The following MOCOS variants were observed in gnomAD, a reference collection of about 807,000 sequenced individuals.
MOCOS encodes molybdenum cofactor sulfurase, also known as human molybdenum cofactor sulfurase.
Under a neutral mutation model 83.6 loss-of-function variants are expected in MOCOS, and 86 were observed. The observed-to-expected ratio is 1.03, with a 90% CI of 0.86 to 1.23. The LOEUF (loss-of-function observed/expected upper bound fraction) is 1.23, where lower values mean the gene tolerates loss of function less well. Among genes scored for constraint, MOCOS ranks in the 50% most tolerant of loss-of-function variants. The probability of loss-of-function intolerance (pLI) is 0.00; values close to 1 mark genes in which losing one functional copy is unlikely to be tolerated. For missense variants in MOCOS, 1,120 were observed against 1,126.9 expected (o/e 0.99, Z 0.09); for synonymous variants, 445 against 434.7 (o/e 1.02, Z -0.29).
At chr18:36,264,522 C>G (rs12454654) in intron 13 of MOCOS, among the ~76,000 whole-genome samples, 35,058 of 152,072 alleles carry the variant, frequency 0.23, 4,243 homozygotes, top group Admixed American at 0.25. Context: ...ATAGTTTCCA[C>G]TCTCGAGCAC....
intron 2 of MOCOS, among the ~76,000 whole-genome samples, chr18:36,195,878 G>C (rs1244033169): frequency 1.3e-5 from 2 of 152,238 alleles, no homozygotes; most frequent in Non-Finnish European, 2.9e-5. Context: ...CCTGGTTCCA[G>C]GCCAGCCTGT....
At chr18:36,250,472 C>T (rs2091617814) in intron 10 of MOCOS, among the ~76,000 whole-genome samples, 1 of 152,174 alleles carries the variant, frequency 6.6e-6, no homozygotes, top group African/African-American at 2.4e-5. Flanking sequence ...CAGGAAAGCA[C>T]AAAGGTGATG....
Position 36,266,859 on chromosome 18 carries a change from C to T in MOCOS, c.2514+6C>T, listed in dbSNP as rs747247263. The T allele has an allele frequency of 6.8e-6, 11 of 1,608,400 alleles. No homozygotes were observed. The highest frequency in any genetic ancestry group is 4.4e-5 in the South Asian group (4 of 90,910). On this transcript the variant is annotated splice_donor_region_variant and intron_variant, in intron 14 of 14. Transcript: ENST00000261326. ...CTGAGAGTCGTGAAACAAAGGTAAG[C>T]GTGATTGCAAAATATGACACCTGGT...
chr18:36,224,160 T>C (rs1456360095), intron 9 of MOCOS, among the ~76,000 whole-genome samples: 1 of 152,234 alleles, frequency 6.6e-6, no homozygotes, highest in African/African-American at 2.4e-5. Flanking sequence ...ACTGAATTCA[T>C]TTATTAGTTT....
chr18:36,225,475 T>C (rs1473675555), intron 9 of MOCOS, among the ~76,000 whole-genome samples: 2 of 152,208 alleles, frequency 1.3e-5, no homozygotes, highest in Non-Finnish European at 2.9e-5. Context: ...TTAGTCTAGA[T>C]AAAAGCTTGT....
chr18:36,202,009 T>TG (rs961730789), intron 4 of MOCOS, among the ~76,000 whole-genome samples: 4 of 152,022 alleles, frequency 2.6e-5, no homozygotes, highest in Admixed American at 2.6e-4. Flanking sequence ...ATGAATGGGC[T>TG]GGGGGGGATC....
chr18:36,194,527 CA>C (rs2091379449), intron 1 of MOCOS, among the ~76,000 whole-genome samples: 1 of 152,196 alleles, frequency 6.6e-6, no homozygotes, highest in African/African-American at 2.4e-5. Flanking sequence ...GGTCATTCCA[CA>C]AAAGTGTGGG....
chr18:36,248,725 C>T (rs1304728292), intron 9 of MOCOS, among the ~76,000 whole-genome samples, 197 bp from the exon 10 acceptor site: 2 of 152,164 alleles, frequency 1.3e-5, no homozygotes, highest in Admixed American at 1.3e-4. Context: ...TTGTTCTTGA[C>T]ACCTTTGTCA....
rs201938587 is a variant in MOCOS at position 36,266,860 on chromosome 18, G to A, written c.2514+7G>A. ...TGAGAGTCGTGAAACAAAGGTAAGC[G>A]TGATTGCAAAATATGACACCTGGTT... is the stretch of plus-strand genomic sequence containing the variant. On this transcript the variant is annotated splice_region_variant and intron_variant, in intron 14 of 14. Coordinates refer to ENST00000261326, the MANE Select transcript of MOCOS (RefSeq NM_017947.4). 2.4e-5 allele frequency: 39 copies of A among 1,608,418 alleles called. No homozygotes were observed. The highest frequency in any genetic ancestry group is 8.9e-5 in the East Asian group (4 of 44,864).
chr18:36,261,625 ATGATGTTTT>A (rs2091663670), intron 13 of MOCOS, among the ~76,000 whole-genome samples: 2 of 152,194 alleles, frequency 1.3e-5, no homozygotes, highest in Non-Finnish European at 2.9e-5. Context: ...AAATGTTCCA[ATGATGTTTT>A]TGATGTTTTT....
intron 9 of MOCOS, among the ~76,000 whole-genome samples, chr18:36,237,860 G>A (rs1426434619): frequency 6.7e-6 from 1 of 149,828 alleles, no homozygotes; most frequent in Non-Finnish European, 1.5e-5. Flanking sequence ...TTTAGTCTTG[G>A]GAGAGTGTAT....
chr18:36,235,916 G>T (rs146525182), intron 9 of MOCOS, among the ~76,000 whole-genome samples: 3,469 of 152,098 alleles, frequency 0.023, 135 homozygotes, highest in African/African-American at 0.079. Context: ...TTTTTTGCCT[G>T]TATAAATGTC....
At chr18:36,207,815 A>G (rs537337667) in intron 6 of MOCOS, among the ~76,000 whole-genome samples, 7 of 152,002 alleles carry the variant, frequency 4.6e-5, no homozygotes, top group African/African-American at 1.4e-4. Flanking sequence ...TCATTTGTCA[A>G]TTTTTCCTTT....
intron 6 of MOCOS, among the ~76,000 whole-genome samples, chr18:36,209,879 T>C (rs1263777405): frequency 6.6e-6 from 1 of 152,194 alleles, no homozygotes; most frequent in African/African-American, 2.4e-5. Context: ...TTTTTTGGCA[T>C]TTTTTGTAGA....
chr18:36,268,757 G>T lies in MOCOS; in HGVS notation c.*72G>T. 1 of 1,298,082 alleles carries T rather than the reference G, an allele frequency of 7.7e-7. No individual in the cohort carries two copies. The highest frequency in any genetic ancestry group is 1.1e-6 in the Non-Finnish European group (1 of 901,840). 80.4% of individuals were successfully genotyped at this position (1,298,082 alleles called of 1,614,324 possible). ...TTGTTAAGATCTGCAACTTGGTTCAGTAGAACTTGATGTTTTGAATAAGGA... is the reference window on the plus strand; with the variant it reads ...TTGTTAAGATCTGCAACTTGGTTCATTAGAACTTGATGTTTTGAATAAGGA... On this transcript the variant is annotated 3_prime_UTR_variant, in exon 15 of 15. Transcript: ENST00000261326.
At chr18:36,267,284 AC>A (rs1381560991) in intron 14 of MOCOS, among the ~76,000 whole-genome samples, 2 of 152,246 alleles carry the variant, frequency 1.3e-5, no homozygotes, top group African/African-American at 4.8e-5. Flanking sequence ...GGTTAAAACA[AC>A]AAAGTGTTGT....
intron 9 of MOCOS, among the ~76,000 whole-genome samples, chr18:36,228,506 A>G (rs964567442): frequency 6.6e-6 from 1 of 152,236 alleles, no homozygotes; most frequent in African/African-American, 2.4e-5. Context: ...AGTCATAAAA[A>G]AGAATGAGAT....
At chr18:36,195,177 A>T (rs982154703) in intron 1 of MOCOS, 80 bp from the exon 2 acceptor site, 4 of 1,152,268 alleles carry the variant, frequency 3.5e-6, no homozygotes, top group African/African-American at 1.5e-5. Flanking sequence ...TTACGTCTGC[A>T]TGCATTAGAT....
chr18:36,220,090 A>G lies in MOCOS; in HGVS notation c.1833A>G (p.Leu611=), dbSNP rs1448429070. The G allele has an allele frequency of 6.2e-7, 1 of 1,613,754 alleles. No homozygotes were observed. The highest frequency in any genetic ancestry group is 8.5e-7 in the Non-Finnish European group (1 of 1,180,030). Reference sequence around the variant, plus strand: ...GGCCTGTAGGAAACCAAGGGCTGCTATATGACCGGAGCTGGATGGTTGTGA... The same window carrying G: ...GGCCTGTAGGAAACCAAGGGCTGCTGTATGACCGGAGCTGGATGGTTGTGA... ...TRWPVGNQGL[L]YDRSWMVVNH... Residue 611 remains leucine (L), a synonymous_variant, in exon 9 of 15, where the codon CTA becomes CTG. Transcript: ENST00000261326.
Sources: allele counts gnomAD v4.1 joint callset (sites outside exome capture counted in the v4.1 genomes callset), GRCh38; gene constraint gnomAD v4.1.1; transcripts MANE v1.5; gene names NCBI Gene and HGNC (gene_info 2026-07-23, HGNC 2026-07-21).